TADA2A: variants seen among roughly 807,000 people sequenced by gnomAD.
TADA2A encodes transcriptional adapter 2-alpha.
A neutral mutation model predicts 67.4 loss-of-function variants in TADA2A; 38 were observed. The ratio of observed to expected loss-of-function variants is 0.56; its 90% CI spans 0.44 to 0.74. The LOEUF (loss-of-function observed/expected upper bound fraction) is 0.74. Ranked by LOEUF, TADA2A falls within the 30% of genes least tolerant of loss-of-function variation. The probability of loss-of-function intolerance (pLI) is 0.00; values close to 1 mark genes in which losing one functional copy is unlikely to be tolerated. For missense variants in TADA2A, 454 were observed against 547.0 expected (o/e 0.83, Z 1.70); for synonymous variants, 192 against 181.6 (o/e 1.06, Z -0.46).
At chr17:37,438,436 T>A (rs1292609711) in intron 5 of TADA2A, among the ~76,000 whole-genome samples, 1 of 152,252 alleles carries the variant, frequency 6.6e-6, no homozygotes, top group Non-Finnish European at 1.5e-5. Flanking sequence ...AGAGGCATTA[T>A]TGAATATATT....
In TADA2A at chr17:37,470,375, G is replaced by A. The variant is rs1208300529; in HGVS notation, c.896-25G>A. On this transcript the variant is annotated intron_variant, in intron 12 of 15. Coordinates refer to ENST00000615182, the MANE Select transcript of TADA2A (RefSeq NM_001166105.3). ...TCAGTTCTGCTGCATTGTCATTGTG[G>A]TCATTGTGTTTTCTATACCCCCAGG... The A allele has an allele frequency of 3.7e-6, 6 of 1,612,910 alleles. No individual in the cohort carries two copies. The African/African-American group carries it at 8.0e-5, about 22-fold the overall frequency.
chr17:37,443,740 A>G (rs1412723294), intron 7 of TADA2A, among the ~76,000 whole-genome samples: 1 of 152,242 alleles, frequency 6.6e-6, no homozygotes, highest in Non-Finnish European at 1.5e-5. Context: ...GAATAAATGA[A>G]TACGCCTGTG....
intron 2 of TADA2A, among the ~76,000 whole-genome samples, chr17:37,415,600 C>A (rs1406277553): frequency 6.6e-6 from 1 of 151,422 alleles, no homozygotes; most frequent in Non-Finnish European, 1.5e-5. Context: ...AGTGCCCCGG[C>A]TGGGCGCGGT....
At chr17:37,423,393 A>G (rs1019708183) in intron 2 of TADA2A, 116 bp from the exon 3 acceptor site, 2 of 765,760 alleles carry the variant, frequency 2.6e-6, no homozygotes, top group African/African-American at 1.8e-5. Flanking sequence ...TCTTGTCTCC[A>G]TGAACTTTTC....
chr17:37,443,446 G>A (rs902671285), intron 7 of TADA2A, among the ~76,000 whole-genome samples: 3 of 152,046 alleles, frequency 2.0e-5, no homozygotes, highest in Admixed American at 6.6e-5. Flanking sequence ...TAGAGATAGG[G>A]TTTCACCATG....
intron 10 of TADA2A, among the ~76,000 whole-genome samples, chr17:37,464,821 A>G (rs568767891): frequency 2.1e-4 from 27 of 125,664 alleles, no homozygotes; most frequent in African/African-American, 8.5e-4. Context: ...CCTGGGCCAC[A>G]GAGCAAGACT....
chr17:37,445,111 C>T (rs2053037028), intron 8 of TADA2A, among the ~76,000 whole-genome samples: 1 of 152,194 alleles, frequency 6.6e-6, no homozygotes, highest in African/African-American at 2.4e-5. Context: ...CTTGGGACTT[C>T]ACTAGCAACT....
At chr17:37,438,304 C>A (rs963986912) in intron 5 of TADA2A, among the ~76,000 whole-genome samples, 1 of 152,170 alleles carries the variant, frequency 6.6e-6, no homozygotes, top group Non-Finnish European at 1.5e-5. Context: ...CCAAAACCGG[C>A]GGAATTGAAT....
At chr17:37,415,874 C>CAAAAAAAAAAAAAAAA (rs35954525) in intron 2 of TADA2A, among the ~76,000 whole-genome samples, 26 of 105,826 alleles carry the variant, frequency 2.5e-4, no homozygotes, top group African/African-American at 9.0e-4. Context: ...AACTCCTTCT[C>CAAAAAAAAAAAAAAAA]AAAAAAAAAA....
chr17:37,412,544 G>A (rs2051910215), intron 2 of TADA2A, among the ~76,000 whole-genome samples: 1 of 152,152 alleles, frequency 6.6e-6, no homozygotes, highest in Non-Finnish European at 1.5e-5. Context: ...CCAGCACTTT[G>A]GGAGGTCGAG....
intron 10 of TADA2A, 31 bp downstream of exon 10, chr17:37,462,152 A>AT: frequency 5.7e-6 from 8 of 1,409,108 alleles, no homozygotes; most frequent in Admixed American, 2.0e-5. Flanking sequence ...TTATTTTACA[A>AT]TTTTTTTCCA....
chr17:37,449,186 A>G (rs972020826), intron 8 of TADA2A, among the ~76,000 whole-genome samples: 12 of 151,978 alleles, frequency 7.9e-5, no homozygotes, highest in African/African-American at 2.9e-4. Context: ...ATGCCTGGCT[A>G]ATTTTTTGTA....
intron 4 of TADA2A, among the ~76,000 whole-genome samples, chr17:37,434,871 T>C (rs747754347): frequency 6.6e-6 from 1 of 152,230 alleles, no homozygotes; most frequent in African/African-American, 2.4e-5. Flanking sequence ...TTATTGATGC[T>C]CAAAATATTC....
rs1371796340 is a variant in TADA2A, at chr17:37,467,536, T to C, written c.895+11T>C. 1.9e-6 allele frequency: 3 copies of C among 1,606,018 alleles called. No individual in the cohort carries two copies. In the South Asian group the frequency reaches 3.3e-5, roughly 18 times the overall value. On this transcript the variant is annotated intron_variant, in intron 12 of 15. Coordinates refer to ENST00000615182, the MANE Select transcript of TADA2A (RefSeq NM_001166105.3). ...TTACCAATTTTTGTAGTAAGTATGC[T>C]TCAGCTACATACCGTACTTGAGGGC...
chr17:37,449,020 T>G (rs2053158973), intron 8 of TADA2A, among the ~76,000 whole-genome samples: 1 of 151,486 alleles, frequency 6.6e-6, no homozygotes, highest in African/African-American at 2.4e-5. Flanking sequence ...TTTCACTGTT[T>G]TTTTTTTTTA....
At chr17:37,419,600 A>G (rs2052165671) in intron 2 of TADA2A, among the ~76,000 whole-genome samples, 1 of 145,770 alleles carries the variant, frequency 6.9e-6, no homozygotes, top group Non-Finnish European at 1.5e-5. Flanking sequence ...GCAACATGGG[A>G]AAACCCCCCC....
At chr17:37,448,923 C>T (rs1248554099) in intron 8 of TADA2A, among the ~76,000 whole-genome samples, 1 of 152,136 alleles carries the variant, frequency 6.6e-6, no homozygotes, top group African/African-American at 2.4e-5. Context: ...TATTATTAGC[C>T]TTTAAATCCT....
intron 4 of TADA2A, among the ~76,000 whole-genome samples, chr17:37,428,761 T>C (rs2052482186): frequency 6.6e-6 from 1 of 152,128 alleles, no homozygotes; most frequent in Non-Finnish European, 1.5e-5. Context: ...AAATTTTTTT[T>C]GTAGGCCAGG....
intron 2 of TADA2A, among the ~76,000 whole-genome samples, chr17:37,417,764 G>A (rs1471193268): frequency 6.6e-6 from 1 of 151,988 alleles, no homozygotes; most frequent in African/African-American, 2.4e-5. Flanking sequence ...TGAACTTCTG[G>A]CCTCAAGTGG....
Sources: gnomAD v4.1 joint callset for allele counts (sites outside exome capture counted in the v4.1 genomes callset) on GRCh38, gnomAD v4.1.1 for gene constraint, MANE v1.5 for transcripts, NCBI Gene and HGNC (gene_info 2026-07-23, HGNC 2026-07-21) for gene names.